LEF1: variants seen among roughly 807,000 people sequenced by gnomAD.
The protein encoded by LEF1 is lymphoid enhancer-binding factor 1.
Under a neutral mutation model 51.2 loss-of-function variants are expected in LEF1, and 14 were observed. The ratio of observed to expected loss-of-function variants is 0.27; its 90% CI spans 0.18 to 0.43. The LOEUF is 0.43. LEF1 is among the 20% of genes least tolerant of loss of function. The probability of loss-of-function intolerance (pLI) is 1.00; values close to 1 mark genes in which losing one functional copy is unlikely to be tolerated. For synonymous variants in LEF1, 185 were observed against 183.2 expected, an observed-to-expected ratio of 1.01 and a Z score of -0.08; for missense variants, 386 against 512.0, an observed-to-expected ratio of 0.75 and a Z score of 2.37.
chr4:108,067,235 A>C (rs1738137582), intron 9 of LEF1, among the ~76,000 whole-genome samples: 1 of 152,240 alleles, frequency 6.6e-6, no homozygotes, highest in South Asian at 2.1e-4. Flanking sequence ...GGAAATCTTT[A>C]AAGATAAATC....
In LEF1 at chr4:108,048,608, G is replaced by A. The variant is rs1736773700; in HGVS notation, c.*150C>T. The A allele has an allele frequency of 9.4e-7, 1 of 1,058,748 alleles. No individual in the cohort carries two copies. Among genetic ancestry groups the A allele is most frequent in the Non-Finnish European group, 1.4e-6 (1 of 731,826 alleles). 65.6% of individuals were successfully genotyped at this position (1,058,748 alleles called of 1,614,324 possible). A position where few individuals can be genotyped will look rare whatever the true frequency, so the allele number is the denominator to read the frequency against. ...TCAGCGTCTCTAGCAGTGACCTCAG[G>A]GTAAAATTGATGTCAGTGTTCCTTT... On this transcript the variant is annotated 3_prime_UTR_variant, in exon 12 of 12. Coordinates refer to ENST00000265165, the MANE Select transcript of LEF1 (RefSeq NM_016269.5).
intron 3 of LEF1, among the ~76,000 whole-genome samples, chr4:108,116,141 G>A (rs559651446): frequency 6.6e-6 from 1 of 152,264 alleles, no homozygotes; most frequent in Admixed American, 6.5e-5. Flanking sequence ...TAGCTGTGTG[G>A]GAGTTGGCTT....
intron 3 of LEF1, among the ~76,000 whole-genome samples, chr4:108,115,577 A>C (rs1016218114): frequency 6.6e-6 from 1 of 152,208 alleles, no homozygotes; most frequent in African/African-American, 2.4e-5. Flanking sequence ...GCTGAGTCCT[A>C]ATCAGACTGG....
At chr4:108,136,719 G>T (rs928727233) in intron 3 of LEF1, among the ~76,000 whole-genome samples, 3 of 151,904 alleles carry the variant, frequency 2.0e-5, no homozygotes, top group Non-Finnish European at 2.9e-5. Flanking sequence ...CTTCAGTAAG[G>T]TGTCTTTTTC....
chr4:108,098,087 T>C (rs1740509706), intron 3 of LEF1, among the ~76,000 whole-genome samples: 2 of 152,168 alleles, frequency 1.3e-5, no homozygotes, highest in Admixed American at 1.3e-4. Flanking sequence ...CCATCAATCC[T>C]GAATAGGCTC....
chr4:108,114,895 G>C (rs1215119289), intron 3 of LEF1, among the ~76,000 whole-genome samples: 4 of 152,204 alleles, frequency 2.6e-5, no homozygotes, highest in African/African-American at 9.6e-5. Context: ...ATTTGCCCAG[G>C]ATGGAATTAT....
At chr4:108,163,849 C>G in intron 2 of LEF1, 148 bp from the exon 3 acceptor site, 1 of 813,522 alleles carries the variant, frequency 1.2e-6, no homozygotes, top group African/African-American at 1.7e-5. Context: ...TTATTATGCT[C>G]TATTTTAGAT....
intron 3 of LEF1, among the ~76,000 whole-genome samples, chr4:108,156,007 G>A (rs1046267388): frequency 3.3e-5 from 5 of 151,992 alleles, no homozygotes; most frequent in South Asian, 2.1e-4. Context: ...AAAATACCTC[G>A]TGATACTGAA....
rs201925329 is a variant in LEF1, at chr4:108,079,601, T to C, written c.736A>G (p.Met246Val). The change falls in exon 7 of 12, where the codon ATG (methionine) becomes GTG (valine). Residue 246 changes from methionine to valine, a missense_variant. Physicochemically the swap from Met to Val is conservative, Grantham distance 21. This residue lies in a region of LEF1 where 335 missense variants were observed against 390.7 expected (regional missense o/e 0.86). Coordinates refer to ENST00000265165, the MANE Select transcript of LEF1 (RefSeq NM_016269.5). The stretch of plus-strand genomic sequence containing the variant: ...TGGGGACCAGGAGGACCGGGAATCA[T>C]ATGATGGGAAAACCTGAAAGGAGGA... ...DTSMSRFSHHMIPGPPGPHTT... is the reference protein window; with the variant it reads ...DTSMSRFSHHVIPGPPGPHTT... The C allele has an allele frequency of 2.3e-5, 37 of 1,614,010 alleles. No individual in the cohort carries two copies. The East Asian group carries it at 7.6e-4, about 33-fold the overall frequency.
intron 3 of LEF1, among the ~76,000 whole-genome samples, chr4:108,154,427 T>C (rs1243778008): frequency 1.1e-5 from 1 of 95,020 alleles, no homozygotes; most frequent in Non-Finnish European, 1.8e-5. Context: ...GCACAGTATG[T>C]AGCACAAGGT....
chr4:108,054,125 A>G (rs1490934737), intron 11 of LEF1, among the ~76,000 whole-genome samples: 1 of 152,164 alleles, frequency 6.6e-6, no homozygotes, highest in Non-Finnish European at 1.5e-5. Flanking sequence ...GTGGGCTCTA[A>G]GGACTGACAG....
intron 3 of LEF1, among the ~76,000 whole-genome samples, chr4:108,137,566 G>T (rs1743378155): frequency 6.6e-6 from 1 of 152,132 alleles, no homozygotes; most frequent in Non-Finnish European, 1.5e-5. Flanking sequence ...GTGCTGGGGG[G>T]AAGAAGAGCA....
chr4:108,120,649 C>T (rs1016675826), intron 3 of LEF1, among the ~76,000 whole-genome samples: 1 of 152,194 alleles, frequency 6.6e-6, no homozygotes, highest in African/African-American at 2.4e-5. Flanking sequence ...TTGAATCTCT[C>T]ATCCACATGT....
At chr4:108,064,286 G>A (rs371551036) in intron 10 of LEF1, 50 bp downstream of exon 10, 2 of 1,314,018 alleles carry the variant, frequency 1.5e-6, no homozygotes, top group Non-Finnish European at 1.1e-6. Context: ...TGCCTTAAAA[G>A]GTGTTTGTCA....
intron 8 of LEF1, among the ~76,000 whole-genome samples, chr4:108,073,229 A>T (rs1318489505): frequency 6.6e-6 from 1 of 152,208 alleles, no homozygotes; most frequent in Non-Finnish European, 1.5e-5. Context: ...CTATTAAAAT[A>T]CAAAAATTAG....
chr4:108,156,694 A>G (rs962159513), intron 3 of LEF1, among the ~76,000 whole-genome samples: 5 of 152,230 alleles, frequency 3.3e-5, no homozygotes, highest in African/African-American at 1.2e-4. Context: ...ATTAACTATC[A>G]TCAACATTTT....
intron 3 of LEF1, among the ~76,000 whole-genome samples, chr4:108,142,742 C>T (rs1173703321): frequency 2.0e-5 from 3 of 152,096 alleles, no homozygotes; most frequent in Non-Finnish European, 4.4e-5. Flanking sequence ...TTAATTGCTG[C>T]CTTTGAAAAT....
chr4:108,161,959 C>CA (rs573021945), intron 3 of LEF1, among the ~76,000 whole-genome samples: 6 of 151,972 alleles, frequency 3.9e-5, no homozygotes, highest in Non-Finnish European at 8.8e-5. Flanking sequence ...CCAAAAACAG[C>CA]AAAAAAACCT....
chr4:108,096,573 A>C (rs1426157910), intron 3 of LEF1, among the ~76,000 whole-genome samples: 1 of 152,310 alleles, frequency 6.6e-6, no homozygotes, highest in Non-Finnish European at 1.5e-5. Flanking sequence ...TGCCTTACCA[A>C]AGCAAATGGA....
Sources: gnomAD v4.1 joint callset for allele counts (sites outside exome capture counted in the v4.1 genomes callset) on GRCh38, gnomAD v4.1.1 for gene constraint, gnomAD v4.1.1 regional missense constraint, MANE v1.5 for transcripts, NCBI Gene and HGNC (gene_info 2026-07-23, HGNC 2026-07-21) for gene names.